The following ZNF208 variants were observed in gnomAD, a reference collection of about 807,000 sequenced individuals.
ZNF208 encodes zinc finger protein 208, also known as zinc finger protein 95.
A neutral mutation model predicts 12.1 loss-of-function variants in ZNF208; 10 were observed. The ratio of observed to expected loss-of-function variants is 0.83; its 90% CI spans 0.51 to 1.40. The LOEUF (loss-of-function observed/expected upper bound fraction) is 1.40, where lower values mean the gene tolerates loss of function less well. Among genes scored for constraint, ZNF208 ranks in the 40% most tolerant of loss-of-function variants. ZNF208 has a pLI of 0.00. For synonymous variants in ZNF208, 497 were observed against 488.4 expected (o/e 1.02, Z -0.23); for missense variants, 1,652 against 1,485.0 (o/e 1.11, Z -1.85).
chr19:21,955,210 T>A (rs1282709529), intron 4 of ZNF208, among the ~76,000 whole-genome samples: 2 of 152,258 alleles, frequency 1.3e-5, no homozygotes, highest in East Asian at 3.8e-4. Context: ...GTTAGCCTGA[T>A]GGGCTTCCAT....
In ZNF208 at chr19:21,971,358, TG is replaced by T. The variant is rs1410284908; in HGVS notation, c.3675del (p.Tyr1225Ter). Reference sequence around the variant, plus strand: ...AAGGCTTTGCCACATTCTTCACATTTGTAGGGTTTCTCTCCAGTATGAATTT... The same window carrying T: ...AAGGCTTTGCCACATTCTTCACATTTTAGGGTTTCTCTCCAGTATGAATTT... ...HKKIHTGEKPYKCEECGKAFS... is the reference protein window; with the variant it reads ...HKKIHTGEKPXKCEECGKAFS... On this transcript the variant is annotated frameshift_variant, in exon 4 of 4. Coordinates refer to ENST00000397126, the MANE Select transcript of ZNF208 (RefSeq NM_007153.3). LOFTEE classifies it low-confidence loss of function (END_TRUNC). 1 of 1,611,398 alleles carries T rather than the reference TG, an allele frequency of 6.2e-7. No individual in the cohort carries two copies. The highest frequency in any genetic ancestry group is 2.2e-5 in the East Asian group (1 of 44,836).
intron 2 of ZNF208, 79 bp downstream of exon 2, chr19:21,988,704 G>T (rs375367162): frequency 2.5e-6 from 4 of 1,608,636 alleles, no homozygotes; most frequent in Admixed American, 3.4e-5. Context: ...TTCATCCTCC[G>T]TTGTTCAGTC....
At chr19:21,957,431 A>C (rs1312369614) in intron 4 of ZNF208, among the ~76,000 whole-genome samples, 1 of 152,204 alleles carries the variant, frequency 6.6e-6, no homozygotes, top group Non-Finnish European at 1.5e-5. Flanking sequence ...TCCTTTAAGA[A>C]ATCAAGTTTA....
At chr19:21,987,529 A>C (rs1290553929) in intron 2 of ZNF208, among the ~76,000 whole-genome samples, 6 of 152,204 alleles carry the variant, frequency 3.9e-5, no homozygotes, top group Non-Finnish European at 8.8e-5. Flanking sequence ...GAGGCCTCCG[A>C]GGAGGAAAGC....
rs1456269792 is a variant in ZNF208, at chr19:21,968,224, A to G, written c.*2967T>C. ...TTTGTTTTCTGTTTGGATTCCTTTT[A>G]TTCTCTGGCTAGGATTTCATAACTT... On this transcript the variant is annotated 3_prime_UTR_variant, in exon 4 of 4. Coordinates refer to ENST00000397126, the MANE Select transcript of ZNF208 (RefSeq NM_007153.3). The G allele has an allele frequency of 6.6e-6, 1 of 151,970 alleles. No homozygotes were observed. Among genetic ancestry groups the G allele is most frequent in the Non-Finnish European group, 1.5e-5 (1 of 67,960 alleles). The allele number at this position is 151,970 out of a possible 1,614,324, so 9.4% of individuals were successfully genotyped here.
At chr19:21,946,146 A>T (rs142084987) in intron 4 of ZNF208, among the ~76,000 whole-genome samples, 377 of 152,260 alleles carry the variant, frequency 2.5e-3, no homozygotes, top group Admixed American at 5.4e-3. Flanking sequence ...GTGGGCTTTG[A>T]TGGGTTCTGT....
chr19:21,997,863 G>C (rs183405790), intron 1 of ZNF208: 1 of 152,054 alleles, frequency 6.6e-6, no homozygotes, highest in Non-Finnish European at 1.5e-5. Flanking sequence ...CAGACACCAC[G>C]GGATACTAAT....
rs540438289 is a variant in ZNF208 at position 21,951,604 on chromosome 19, C to T, written c.306-18367G>A. On this transcript the variant is annotated intron_variant, in intron 4 of 4. Transcript: ENST00000599916. The stretch of plus-strand genomic sequence containing the variant: ...AGCATTTAATGAAAGCACAACAAAG[C>T]TTTCTTAAGATGCTCATCTGTACAT... Among the ~76,000 whole-genome samples the T allele has an allele frequency of 8.5e-5, 13 of 152,236 alleles. No homozygotes were observed. The East Asian group carries it at 2.5e-3, about 29-fold the overall frequency.
At chr19:21,960,974 G>C (rs1970057447) in intron 4 of ZNF208, among the ~76,000 whole-genome samples, 1 of 152,138 alleles carries the variant, frequency 6.6e-6, no homozygotes, top group Non-Finnish European at 1.5e-5. Flanking sequence ...AATAAATAGT[G>C]ATTCCTGAAT....
downstream of ZNF208, among the ~76,000 whole-genome samples, chr19:21,961,895 T>C (rs1187764212): frequency 6.6e-6 from 1 of 152,110 alleles, no homozygotes; most frequent in Non-Finnish European, 1.5e-5. Context: ...GGTGCACTGA[T>C]TTCATATTGT....
In ZNF208 at chr19:21,974,167, T is replaced by G; in HGVS notation, c.867A>C (p.Glu289Asp). 1 of 1,604,082 alleles carries G rather than the reference T, an allele frequency of 6.2e-7. No homozygotes were observed. The highest frequency in any genetic ancestry group is 8.5e-7 in the Non-Finnish European group (1 of 1,171,990). Residue 289 changes from glutamate to aspartate, a missense_variant, in exon 4 of 4, where the codon GAA becomes GAC. Physicochemically the swap from Glu to Asp is conservative, Grantham distance 45. Around this residue, in one of 3 missense-constraint regions of ZNF208, gnomAD observed 410 missense variants for 378.2 expected, o/e 1.08. Coordinates refer to ENST00000397126, the MANE Select transcript of ZNF208 (RefSeq NM_007153.3). ...HTGEKPNKCE[E>D]CGKAFSKVST... ...AGACCTTACTAAAGGCTTTGCCACA[T>G]TCTTCACATTTGTTGGGTTTCTCTC...
At chr19:21,979,871 T>G (rs1254714441) in intron 3 of ZNF208, among the ~76,000 whole-genome samples, 2 of 152,070 alleles carry the variant, frequency 1.3e-5, no homozygotes, top group African/African-American at 2.4e-5. Flanking sequence ...AAAATAAAGT[T>G]ATGGAGGAAT....
At chr19:22,006,164 T>C (rs1293138964) in intron 1 of ZNF208, among the ~76,000 whole-genome samples, 4 of 152,194 alleles carry the variant, frequency 2.6e-5, no homozygotes, top group African/African-American at 4.8e-5. Flanking sequence ...AGAACACTCC[T>C]AAGAACACAC....
At chr19:21,950,685 G>T (rs1285598964) in intron 4 of ZNF208, among the ~76,000 whole-genome samples, 1 of 151,756 alleles carries the variant, frequency 6.6e-6, no homozygotes, top group East Asian at 1.9e-4. Flanking sequence ...AGTAGAGATG[G>T]GGTTTCACCA....
At chr19:22,002,467 C>A (rs1970970179) in intron 1 of ZNF208, among the ~76,000 whole-genome samples, 1 of 152,094 alleles carries the variant, frequency 6.6e-6, no homozygotes, top group African/African-American at 2.4e-5. Context: ...AGCAGAAAAG[C>A]TCTTTAAACT....
chr19:21,989,767 T>C (rs538276939), intron 1 of ZNF208, among the ~76,000 whole-genome samples: 10 of 152,210 alleles, frequency 6.6e-5, no homozygotes, highest in East Asian at 1.9e-4. Context: ...TTTTTAATGA[T>C]TGTCATTCTA....
intron 1 of ZNF208, among the ~76,000 whole-genome samples, chr19:21,997,337 C>G (rs1358339303): frequency 6.6e-6 from 1 of 152,188 alleles, no homozygotes; most frequent in African/African-American, 2.4e-5. Flanking sequence ...ACAAAATAAA[C>G]TTTTCACATC....
chr19:22,009,354 G>A (rs1971102202), intron 1 of ZNF208: 2 of 152,206 alleles, frequency 1.3e-5, no homozygotes, highest in Non-Finnish European at 2.9e-5. Flanking sequence ...TGGGACACAT[G>A]TGAAAAATGC....
At chr19:21,996,885 T>C (rs563487948) in intron 1 of ZNF208, among the ~76,000 whole-genome samples, 22 of 152,206 alleles carry the variant, frequency 1.4e-4, no homozygotes, top group Non-Finnish European at 2.6e-4. Flanking sequence ...CTGCAGAGGA[T>C]GATAGATACC....
Sources: allele counts gnomAD v4.1 joint callset (sites outside exome capture counted in the v4.1 genomes callset), GRCh38; gene constraint gnomAD v4.1.1; regional missense constraint gnomAD v4.1.1; transcripts MANE v1.5; gene names NCBI Gene and HGNC (gene_info 2026-07-23, HGNC 2026-07-21).